Variants in TMEM245 observed in about 807,000 individuals in gnomAD.
TMEM245 encodes the protein protein CG-2.
In TMEM245, 69 loss-of-function variants were observed where a neutral mutation model predicts 101.2. The ratio of observed to expected loss-of-function variants is 0.68; its 90% CI spans 0.56 to 0.83. The LOEUF (loss-of-function observed/expected upper bound fraction) is 0.83. Ranked by LOEUF, TMEM245 falls within the 40% of genes least tolerant of loss-of-function variation. The pLI is 0.00. For synonymous variants in TMEM245, 537 were observed against 449.8 expected (o/e 1.19, Z -2.45); for missense variants, 1,075 against 1,092.8 (o/e 0.98, Z 0.23).
intron 17 of TMEM245, among the ~76,000 whole-genome samples, chr9:109,023,470 A>G (rs914214965): frequency 2.6e-5 from 4 of 152,228 alleles, no homozygotes; most frequent in Non-Finnish European, 5.9e-5. Context: ...CCATCTAAAT[A>G]CAGTATTCTT....
chr9:109,052,311 C>A (rs1828709898), intron 12 of TMEM245, among the ~76,000 whole-genome samples: 1 of 152,206 alleles, frequency 6.6e-6, no homozygotes, highest in Non-Finnish European at 1.5e-5. Context: ...TTTATACATA[C>A]ATAATTTGAA....
chr9:109,050,712 G>C lies in TMEM245; in HGVS notation c.1855-20C>G. 1 of 1,610,828 alleles carries C rather than the reference G, an allele frequency of 6.2e-7. No homozygotes were observed. Among genetic ancestry groups the C allele is most frequent in the Non-Finnish European group, 8.5e-7 (1 of 1,179,372 alleles). On this transcript the variant is annotated intron_variant, in intron 12 of 17. Coordinates refer to ENST00000374586, the MANE Select transcript of TMEM245 (RefSeq NM_032012.4). Reference sequence around the variant, plus strand: ...CAAGATCTGACGAGGAAGGAAAGCTGGATATCAGAACCAATCCTCATGAAA... The same window carrying C: ...CAAGATCTGACGAGGAAGGAAAGCTCGATATCAGAACCAATCCTCATGAAA...
chr9:109,072,611 G>A (rs1361459129), intron 9 of TMEM245, among the ~76,000 whole-genome samples: 1 of 152,180 alleles, frequency 6.6e-6, no homozygotes, highest in Non-Finnish European at 1.5e-5. Flanking sequence ...CCTACGGGTG[G>A]TGTTGAGGCT....
intron 2 of TMEM245, among the ~76,000 whole-genome samples, chr9:109,106,857 G>T (rs1380937782): frequency 1.3e-5 from 2 of 151,934 alleles, no homozygotes; most frequent in Non-Finnish European, 2.9e-5. Context: ...CCTTTAATGG[G>T]GTTCTATTAA....
intron 1 of TMEM245, among the ~76,000 whole-genome samples, chr9:109,110,651 T>C (rs1018839263): frequency 6.6e-6 from 1 of 152,024 alleles, no homozygotes; most frequent in African/African-American, 2.4e-5. Flanking sequence ...GTCAGTCACT[T>C]AGATGAAAGA....
At chr9:109,036,120 C>A in intron 16 of TMEM245, 86 bp downstream of exon 16, 1 of 1,185,360 alleles carries the variant, frequency 8.4e-7, no homozygotes, top group Non-Finnish European at 1.1e-6. Context: ...TTTGTATACC[C>A]CCAGGAGAAA....
At chr9:109,059,765 T>A (rs1162397329) in intron 11 of TMEM245, among the ~76,000 whole-genome samples, 1 of 151,982 alleles carries the variant, frequency 6.6e-6, no homozygotes, top group East Asian at 1.9e-4. Context: ...CAAAGAAAAG[T>A]TATTAATGCC....
intron 9 of TMEM245, among the ~76,000 whole-genome samples, chr9:109,072,241 G>A (rs1213595111): frequency 3.3e-5 from 5 of 150,884 alleles, no homozygotes; most frequent in South Asian, 4.1e-4. Context: ...CTGTGTTCAA[G>A]GAGAAAGACA....
At chr9:109,084,447 A>G (rs1829775598) in intron 7 of TMEM245, among the ~76,000 whole-genome samples, 1 of 152,242 alleles carries the variant, frequency 6.6e-6, no homozygotes, top group African/African-American at 2.4e-5. Context: ...TCAGTTATGA[A>G]GTAGTCTCAT....
At chr9:109,097,925 TA>T (rs1264227588) in intron 3 of TMEM245, among the ~76,000 whole-genome samples, 2 of 151,918 alleles carry the variant, frequency 1.3e-5, no homozygotes, top group Non-Finnish European at 2.9e-5. Flanking sequence ...TCTTGAAAAA[TA>T]AATAAATAAA....
At chr9:109,023,202 G>T (rs1827683536) in intron 17 of TMEM245, among the ~76,000 whole-genome samples, 1 of 152,212 alleles carries the variant, frequency 6.6e-6, no homozygotes, top group Non-Finnish European at 1.5e-5. Flanking sequence ...TATGTAGGGT[G>T]TTAGGGTGAT....
chr9:109,060,574 C>G, intron 10 of TMEM245, 122 bp from the exon 11 acceptor site: 1 of 637,056 alleles, frequency 1.6e-6, no homozygotes, highest in Non-Finnish European at 2.7e-6. Context: ...CTATTTATCT[C>G]TAGCCATATT....
chr9:109,038,367 TG>T, intron 14 of TMEM245: 1 of 293,614 alleles, frequency 3.4e-6, no homozygotes, highest in Non-Finnish European at 6.2e-6. Flanking sequence ...AAATTTCTGA[TG>T]AAAAAATAAC....
At chr9:109,073,099 A>T in intron 9 of TMEM245, 2 of 431,514 alleles carry the variant, frequency 4.6e-6, no homozygotes, top group Middle Eastern at 1.1e-3. Context: ...GTGCTTTGTA[A>T]ATTATAAACA....
At chr9:109,022,799 TTGCAAGCAA>T (rs2132271342) in intron 17 of TMEM245, among the ~76,000 whole-genome samples, 1 of 152,312 alleles carries the variant, frequency 6.6e-6, no homozygotes, top group South Asian at 2.1e-4. Context: ...TGGAAAATCT[TTGCAAGCAA>T]TAGTCAAAAA....
chr9:109,070,053 T>C (rs780907706), intron 9 of TMEM245, among the ~76,000 whole-genome samples: 42 of 152,204 alleles, frequency 2.8e-4, no homozygotes, highest in Admixed American at 7.2e-4. Flanking sequence ...TCATTTTCCT[T>C]TGTGAACCTA....
At chr9:109,116,052 C>T (rs944321606) in intron 1 of TMEM245, among the ~76,000 whole-genome samples, 1 of 152,128 alleles carries the variant, frequency 6.6e-6, no homozygotes, top group African/African-American at 2.4e-5. Context: ...AAATAACACC[C>T]ATGTAAAAGA....
chr9:109,057,434 A>G, intron 11 of TMEM245, 112 bp from the exon 12 acceptor site: 1 of 1,251,484 alleles, frequency 8.0e-7, no homozygotes, highest in South Asian at 1.5e-5. Context: ...AAGTACTCCA[A>G]GGAAAAGAAC....
At chr9:109,095,437 A>T (rs1830114234) in intron 3 of TMEM245, among the ~76,000 whole-genome samples, 1 of 152,244 alleles carries the variant, frequency 6.6e-6, no homozygotes, top group Non-Finnish European at 1.5e-5. Context: ...TATCTTGGGC[A>T]GAAGGAAAGC....
Sources: gnomAD v4.1 joint callset for allele counts (sites outside exome capture counted in the v4.1 genomes callset) on GRCh38, gnomAD v4.1.1 for gene constraint, MANE v1.5 for transcripts, NCBI Gene and HGNC (gene_info 2026-07-23, HGNC 2026-07-21) for gene names.